The following GALNT1 variants were observed in gnomAD, a reference collection of about 807,000 sequenced individuals.
GALNT1 encodes the protein GalNAc transferase 1.
In GALNT1, 17 loss-of-function variants were observed where a neutral mutation model predicts 65.7. The ratio of observed to expected loss-of-function variants is 0.26; its 90% CI spans 0.18 to 0.39. The LOEUF is 0.39. GALNT1 is among the 10% of genes least tolerant of loss of function. GALNT1 has a pLI of 1.00. For synonymous variants in GALNT1, 210 were observed against 219.7 expected (o/e 0.96, Z 0.39); for missense variants, 460 against 672.8 (o/e 0.68, Z 3.50).
chr18:35,665,080 A>T (rs2047530222), intron 3 of GALNT1, among the ~76,000 whole-genome samples: 1 of 152,252 alleles, frequency 6.6e-6, no homozygotes, highest in Non-Finnish European at 1.5e-5. Flanking sequence ...TAGGCCTCAT[A>T]TTCAGCCTCT....
intron 3 of GALNT1, among the ~76,000 whole-genome samples, chr18:35,675,963 A>G (rs183235731): frequency 3.3e-5 from 5 of 152,312 alleles, no homozygotes; most frequent in Admixed American, 2.6e-4. Flanking sequence ...TGAAACTAGT[A>G]CTAATTATAT....
At chr18:35,707,871 C>T (rs12954888) in intron 11 of GALNT1, among the ~76,000 whole-genome samples, 16,465 of 152,258 alleles carry the variant, frequency 0.11, 957 homozygotes, top group Admixed American at 0.18. Flanking sequence ...GCAATGTGCA[C>T]GCTGAGCCGC....
chr18:35,635,662 A>G (rs140821141), intron 1 of GALNT1, among the ~76,000 whole-genome samples: 23 of 152,314 alleles, frequency 1.5e-4, no homozygotes, highest in African/African-American at 5.3e-4. Flanking sequence ...TTAGAGTATG[A>G]TATTCTAAAT....
chr18:35,584,053 C>T (rs2046353369), intron 1 of GALNT1, among the ~76,000 whole-genome samples: 1 of 152,170 alleles, frequency 6.6e-6, no homozygotes, highest in Non-Finnish European at 1.5e-5. Context: ...AGAATCCAGT[C>T]CAGTGTACTA....
Position 35,640,269 on chromosome 18 carries a change from A to AGG in GALNT1, c.-103-14291_-103-14290insGG, listed in dbSNP as rs2047144085. Among the ~76,000 whole-genome samples, 3 of 152,364 alleles carry AGG rather than the reference A, an allele frequency of 2.0e-5. No individual in the cohort carries two copies. The East Asian group carries it at 5.8e-4, about 29-fold the overall frequency. On this transcript the variant is annotated intron_variant, in intron 1 of 11. Transcript: ENST00000269195. ...TTTTTCAATATGTTATTAATACTAGAAATCTTCGCAAGGTAGCTGAATTTA... is the reference window on the plus strand; with the variant it reads ...TTTTTCAATATGTTATTAATACTAGAGGAATCTTCGCAAGGTAGCTGAATTTA...
intron 1 of GALNT1, among the ~76,000 whole-genome samples, chr18:35,616,367 CT>C (rs1483214941): frequency 3.9e-5 from 6 of 152,232 alleles, no homozygotes; most frequent in Non-Finnish European, 7.4e-5. Context: ...ACCTGGCTTA[CT>C]GGGTTGTTGG....
chr18:35,592,107 A>C (rs1329330498), intron 1 of GALNT1, among the ~76,000 whole-genome samples: 1 of 152,176 alleles, frequency 6.6e-6, no homozygotes, highest in Non-Finnish European at 1.5e-5. Context: ...TGAAATGATG[A>C]AAACAGGGAG....
chr18:35,657,348 C>A (rs2047406285), intron 2 of GALNT1, among the ~76,000 whole-genome samples: 1 of 152,194 alleles, frequency 6.6e-6, no homozygotes, highest in Admixed American at 6.5e-5. Context: ...CCTGCCTCAG[C>A]CTCCCAAAGG....
intron 3 of GALNT1, among the ~76,000 whole-genome samples, chr18:35,675,489 T>TA (rs2047698684): frequency 6.6e-6 from 1 of 152,206 alleles, no homozygotes; most frequent in South Asian, 2.1e-4. Context: ...CTTATAATCT[T>TA]ACAATCTTAC....
intron 9 of GALNT1, among the ~76,000 whole-genome samples, chr18:35,694,483 A>G (rs1433203874): frequency 3.3e-5 from 5 of 152,246 alleles, no homozygotes; most frequent in Non-Finnish European, 7.3e-5. Flanking sequence ...GTGTGAATGT[A>G]AAATGGTACA....
At chr18:35,599,367 T>C (rs72958847) in intron 1 of GALNT1, among the ~76,000 whole-genome samples, 23 of 18,588 alleles carry the variant, frequency 1.2e-3, no homozygotes, top group Middle Eastern at 0.045. Context: ...AGATTTACAC[T>C]TTTTTTTTTT....
intron 1 of GALNT1, among the ~76,000 whole-genome samples, chr18:35,599,783 G>C (rs776561348): frequency 6.6e-6 from 1 of 152,178 alleles, no homozygotes; most frequent in Non-Finnish European, 1.5e-5. Context: ...TGAAGAGACT[G>C]TCCTTTCCCC....
At chr18:35,634,989 T>A (rs1598790666) in intron 1 of GALNT1, among the ~76,000 whole-genome samples, 2 of 152,320 alleles carry the variant, frequency 1.3e-5, no homozygotes, top group South Asian at 4.1e-4. Context: ...AAGTACATAT[T>A]ATGGCAAACT....
intron 3 of GALNT1, among the ~76,000 whole-genome samples, chr18:35,677,179 C>A (rs754632498): frequency 6.6e-6 from 1 of 152,174 alleles, no homozygotes; most frequent in Admixed American, 6.5e-5. Context: ...CTAAATATTT[C>A]TCTTCTTTTG....
chr18:35,600,615 G>A (rs934009261), intron 1 of GALNT1, among the ~76,000 whole-genome samples: 1 of 152,086 alleles, frequency 6.6e-6, no homozygotes, highest in African/African-American at 2.4e-5. Context: ...TAGAGGAAAG[G>A]CTTCAGTTTT....
Position 35,703,574 on chromosome 18 carries a change from T to C in GALNT1, c.1464T>C (p.Leu488=). The C allele has an allele frequency of 6.2e-7, 1 of 1,614,002 alleles. No homozygotes were observed. The highest frequency in any genetic ancestry group is 8.5e-7 in the Non-Finnish European group (1 of 1,179,890). The part of the protein sequence containing the change: ...TDDLCLDVSK[L]NGPVTMLKCH... ...ACCTTTGCTTGGATGTTTCCAAACT[T>C]AATGGCCCAGTTACAATGCTCAAAT... The change falls in exon 11 of 12, where the codon CTT becomes CTC. Residue 488 remains leucine, a synonymous_variant. Coordinates refer to ENST00000269195, the MANE Select transcript of GALNT1 (RefSeq NM_020474.4).
intron 1 of GALNT1, among the ~76,000 whole-genome samples, chr18:35,593,096 A>C (rs1366273063): frequency 6.6e-6 from 1 of 152,180 alleles, no homozygotes; most frequent in African/African-American, 2.4e-5. Flanking sequence ...AGGATGCTGC[A>C]TGTCTGGGAC....
intron 1 of GALNT1, among the ~76,000 whole-genome samples, chr18:35,636,265 T>G (rs1279515241): frequency 2.0e-5 from 3 of 152,214 alleles, no homozygotes; most frequent in Admixed American, 2.0e-4. Context: ...ATAGACTGTT[T>G]CCTCGACTTA....
intron 1 of GALNT1, among the ~76,000 whole-genome samples, chr18:35,620,516 C>T (rs1179290084): frequency 6.6e-6 from 1 of 152,174 alleles, no homozygotes; most frequent in Non-Finnish European, 1.5e-5. Context: ...CCCTTCCTCC[C>T]TCCTCAGAAA....
Sources: gnomAD v4.1 joint callset for allele counts (sites outside exome capture counted in the v4.1 genomes callset) on GRCh38, gnomAD v4.1.1 for gene constraint, MANE v1.5 for transcripts, NCBI Gene and HGNC (gene_info 2026-07-23, HGNC 2026-07-21) for gene names.